AJAP1: variants seen among roughly 807,000 people sequenced by gnomAD.
The protein encoded by AJAP1 is adherens junctions associated protein 1, also known as adherens junction-associated protein 1.
AJAP1 carries 5 observed loss-of-function variants against 35.0 expected under a neutral mutation model. The observed-to-expected ratio is 0.14, with a 90% CI of 0.07 to 0.30. The LOEUF (loss-of-function observed/expected upper bound fraction) is 0.30. Ranked by LOEUF, AJAP1 falls within the 10% of genes least tolerant of loss-of-function variation. The pLI is 1.00. For synonymous variants in AJAP1, 284 were observed against 249.3 expected (o/e 1.14, Z -1.31); for missense variants, 586 against 571.0 (o/e 1.03, Z -0.27).
At chr1:4,744,007 T>G (rs1029823424) in intron 2 of AJAP1, among the ~76,000 whole-genome samples, 2 of 152,170 alleles carry the variant, frequency 1.3e-5, no homozygotes. Flanking sequence ...GGGAGAGAGC[T>G]GGGATCTCTG....
In AJAP1 at chr1:4,712,608, C is replaced by G; in HGVS notation, c.738C>G (p.Ile246Met). ...AGTCCTTGGATCCCCGGAGAAGGAT[C>G]CCAGGTGGGGTTAGCACAACGGAGC... ...FTESLDPRRR[I>M]PGGVSTTEPS... Residue 246 changes from isoleucine (I) to methionine (M), a missense_variant, in exon 2 of 6, where the codon ATC becomes ATG. Ile to Met is a conservative substitution (Grantham distance 10, BLOSUM62 1). Transcript: ENST00000378191. The G allele has an allele frequency of 6.2e-7, 1 of 1,600,506 alleles. No individual in the cohort carries two copies. The highest frequency in any genetic ancestry group is 8.5e-7 in the Non-Finnish European group (1 of 1,171,164).
chr1:4,655,247 G>C lies in AJAP1; in HGVS notation c.-179G>C, dbSNP rs1638850087. On this transcript the variant is annotated 5_prime_UTR_variant, in exon 1 of 6. Transcript: ENST00000378191. The surrounding 1 kb of genome is among the most constrained non-coding windows in gnomAD (Gnocchi z 6.9). ...CCCAACGGCGGCGGCGCGCCGGCCG[G>C]CATGGAGCCCCGCGCGGCCGCGCTC... The C allele has an allele frequency of 4.7e-6, 1 of 214,192 alleles. No individual in the cohort carries two copies. The highest frequency in any genetic ancestry group is 6.7e-5 in the Admixed American group (1 of 14,888). The allele number at this position is 214,192 out of a possible 1,614,324, so 13.3% of individuals were successfully genotyped here. A position where few individuals can be genotyped will look rare whatever the true frequency, so the allele number is the denominator to read the frequency against.
rs1642165596 is a variant in AJAP1, at chr1:4,786,670, T to G, written c.*4185T>G. 1 of 152,250 alleles carries G rather than the reference T, an allele frequency of 6.6e-6. No homozygotes were observed. The highest frequency in any genetic ancestry group is 2.1e-4 in the South Asian group (1 of 4,828). 9.4% of individuals were successfully genotyped at this position (152,250 alleles called of 1,614,324 possible). ...CCCATGGAGAGGTATTTTACCCTTT[T>G]GCTTCTTTGCTCAGGTGGTCCAGGG... On this transcript the variant is annotated 3_prime_UTR_variant, in exon 6 of 6. Coordinates refer to ENST00000378191, the MANE Select transcript of AJAP1 (RefSeq NM_018836.4).
rs1353692770 is a variant in AJAP1, at chr1:4,772,436, C to T, written c.1074C>T (p.His358=). The T allele has an allele frequency of 1.9e-6, 3 of 1,614,232 alleles. No homozygotes were observed. Among genetic ancestry groups the T allele is most frequent in the Admixed American group, 1.7e-5 (1 of 60,026 alleles). The change falls in exon 4 of 6, where the codon CAC becomes CAT. Residue 358 remains histidine (H), a synonymous_variant. Transcript: ENST00000378191. Reference sequence around the variant, plus strand: ...ATAACGAGACCCTGCAGTGTTCTCACGAGTGCGTCAGGGCATCTGTGCCCG... The same window carrying T: ...ATAACGAGACCCTGCAGTGTTCTCATGAGTGCGTCAGGGCATCTGTGCCCG... ...TAYNETLQCS[H]ECVRASVPVY... is the part of the protein sequence containing the mutation.
intron 2 of AJAP1, among the ~76,000 whole-genome samples, chr1:4,722,443 C>T (rs1192717666): frequency 1.3e-5 from 2 of 152,204 alleles, no homozygotes; most frequent in Non-Finnish European, 2.9e-5. Context: ...AGCCGTTCAC[C>T]CAGCTGGAGC....
At chr1:4,740,926 C>A (rs1464113986) in intron 2 of AJAP1, among the ~76,000 whole-genome samples, 1 of 151,842 alleles carries the variant, frequency 6.6e-6, no homozygotes, top group Non-Finnish European at 1.5e-5. Context: ...AGGTGTCTTG[C>A]GTCTGGCACC....
chr1:4,773,765 G>C (rs1252545386), intron 4 of AJAP1, among the ~76,000 whole-genome samples: 2 of 152,242 alleles, frequency 1.3e-5, no homozygotes, highest in Non-Finnish European at 2.9e-5. Context: ...CAGTGCTTGG[G>C]CCGTGTGGGT....
intron 2 of AJAP1, among the ~76,000 whole-genome samples, chr1:4,732,754 CT>C (rs908995192): frequency 3.5e-4 from 54 of 152,360 alleles, no homozygotes; most frequent in African/African-American, 1.1e-3. Context: ...CAGTGGGCTC[CT>C]TAATACAATG....
intron 2 of AJAP1, among the ~76,000 whole-genome samples, chr1:4,765,119 A>G (rs1442018899): frequency 6.6e-6 from 1 of 152,236 alleles, no homozygotes; most frequent in African/African-American, 2.4e-5. Context: ...AAAGCCCCCA[A>G]ATTAGCAGAA....
At chr1:4,753,028 G>A (rs889824755) in intron 2 of AJAP1, among the ~76,000 whole-genome samples, 13 of 152,076 alleles carry the variant, frequency 8.5e-5, no homozygotes, top group Admixed American at 2.6e-4. Flanking sequence ...CTCTCCATCC[G>A]TACCATCCCT....
rs527897512 is a variant in AJAP1 at position 4,725,487 on chromosome 1, A to G, written c.829+12788A>G. 1.2e-4 allele frequency among the ~76,000 whole-genome samples: 19 copies of G among 152,228 alleles called. No individual in the cohort carries two copies. The South Asian group carries it at 2.7e-3, about 22-fold the overall frequency. On this transcript the variant is annotated intron_variant, in intron 2 of 5. Transcript: ENST00000378191. Reference sequence around the variant, plus strand: ...CAAAGTACACGTTTAATGAATAGGTAGACTCCCTGTTCACACCCACCTCCC... The same window carrying G: ...CAAAGTACACGTTTAATGAATAGGTGGACTCCCTGTTCACACCCACCTCCC...
intron 1 of AJAP1, among the ~76,000 whole-genome samples, chr1:4,695,906 G>C (rs1639847548): frequency 1.3e-5 from 2 of 152,216 alleles, no homozygotes; most frequent in South Asian, 2.1e-4. Flanking sequence ...GGAGACAGGA[G>C]CGTGATCCTG....
rs549503457 is a variant in AJAP1 at position 4,776,548 on chromosome 1, A to C, written c.*59+1990A>C. On this transcript the variant is annotated intron_variant, in intron 5 of 5. Coordinates refer to ENST00000378191, the MANE Select transcript of AJAP1 (RefSeq NM_018836.4). ...AGGAGCCCGCAGCACTGACTTTAAA[A>C]AAAATAAAAAGATAAAATAGGGCAA... Among the ~76,000 whole-genome samples, 7 of 152,352 alleles carry C rather than the reference A, an allele frequency of 4.6e-5. No individual in the cohort carries two copies. The East Asian group carries it at 1.4e-3, about 29-fold the overall frequency.
rs536233135 is a variant in AJAP1 at position 4,784,871 on chromosome 1, A to G, written c.*2386A>G. ...GCCTCGTCCATCCCATTCTCCTTCAATCACTCCCTCCCGCTGAGGTGGGCC... is the reference window on the plus strand; with the variant it reads ...GCCTCGTCCATCCCATTCTCCTTCAGTCACTCCCTCCCGCTGAGGTGGGCC... On this transcript the variant is annotated 3_prime_UTR_variant, in exon 6 of 6. Transcript: ENST00000378191. 5 of 152,348 alleles carry G rather than the reference A, an allele frequency of 3.3e-5. 1 individual carries two copies. The highest frequency in any genetic ancestry group is 7.2e-5 in the African/African-American group (3 of 41,524). 9.4% of individuals were successfully genotyped at this position (152,348 alleles called of 1,614,324 possible).
chr1:4,751,174 G>A (rs1352917770), intron 2 of AJAP1, among the ~76,000 whole-genome samples: 1 of 152,066 alleles, frequency 6.6e-6, no homozygotes, highest in Non-Finnish European at 1.5e-5. Context: ...CTCCCCCTCT[G>A]TTTTGTCTGG....
chr1:4,778,984 C>G (rs1038492905), intron 5 of AJAP1, among the ~76,000 whole-genome samples: 3 of 152,234 alleles, frequency 2.0e-5, no homozygotes, highest in Non-Finnish European at 4.4e-5. Context: ...CCCCCGTTCT[C>G]AGGAGGCTGT....
At chr1:4,665,115 G>A (rs941659911) in intron 1 of AJAP1, among the ~76,000 whole-genome samples, 3 of 151,552 alleles carry the variant, frequency 2.0e-5, no homozygotes, top group Non-Finnish European at 4.4e-5. Flanking sequence ...CCTCTTTTTT[G>A]TCAAGAGAAA....
At chr1:4,754,720 T>A (rs886355726) in intron 2 of AJAP1, among the ~76,000 whole-genome samples, 2 of 152,252 alleles carry the variant, frequency 1.3e-5, no homozygotes, top group Admixed American at 1.3e-4. Context: ...TTGAAAGGCC[T>A]TCTTGGAAAC....
At chr1:4,716,573 AGATGATGGT>A (rs1197631725) in intron 2 of AJAP1, among the ~76,000 whole-genome samples, 2 of 151,020 alleles carry the variant, frequency 1.3e-5, no homozygotes, top group Non-Finnish European at 3.0e-5. Flanking sequence ...ATGATGATGG[AGATGATGGT>A]GATGATGGTG....
Sources: allele counts gnomAD v4.1 joint callset (sites outside exome capture counted in the v4.1 genomes callset), GRCh38; gene constraint gnomAD v4.1.1; non-coding constraint Gnocchi (gnomAD v3.1); transcripts MANE v1.5; gene names NCBI Gene and HGNC (gene_info 2026-07-23, HGNC 2026-07-21).